RPL37: variants seen among roughly 807,000 people sequenced by gnomAD.
RPL37 encodes the protein ribosomal protein L37.
Under a neutral mutation model 14.8 loss-of-function variants are expected in RPL37, and 1 was observed. The observed-to-expected ratio is 0.07, with a 90% CI of 0.02 to 0.32. The LOEUF is 0.32. Among genes scored for constraint, RPL37 ranks in the 10% least tolerant of loss-of-function variants. The probability of loss-of-function intolerance (pLI) is 1.00; values close to 1 mark genes in which losing one functional copy is unlikely to be tolerated. For synonymous variants in RPL37, 53 were observed against 45.8 expected, an observed-to-expected ratio of 1.16 and a Z score of -0.63; for missense variants, 100 against 128.3, an observed-to-expected ratio of 0.78 and a Z score of 1.06.
intron 1 of RPL37, 60 bp from the exon 2 acceptor site, chr5:40,834,666 C>A: frequency 6.6e-7 from 1 of 1,521,188 alleles, no homozygotes; most frequent in Non-Finnish European, 8.9e-7. Flanking sequence ...TACTCGAGTT[C>A]TCCGGGAAAC....
Position 40,832,100 on chromosome 5 carries a change from TA to T in RPL37, c.*403del, listed in dbSNP as rs1266013171. ...GTACTCCCAAGCTCTATGTGACTAA[TA>T]ATCATCCCCCTAGTCATGACAGCAT... On this transcript the variant is annotated 3_prime_UTR_variant, in exon 4 of 4. Coordinates refer to ENST00000274242, the MANE Select transcript of RPL37 (RefSeq NM_000997.5). The T allele has an allele frequency of 4.9e-6, 1 of 204,418 alleles. No individual in the cohort carries two copies. Among genetic ancestry groups the T allele is most frequent in the Admixed American group, 5.2e-5 (1 of 19,388 alleles). The allele number at this position is 204,418 out of a possible 1,614,324, so 12.7% of individuals were successfully genotyped here.
At position 40,826,348 on chromosome 5, in the gene RPL37, T is replaced by A. The variant is rs1745517684; in HGVS notation, c.*6156A>T. ...GGTCAGTTTTCAGTTTTTATCATTA[T>A]TTATTATTTTATTTTTTATATCCCA... On this transcript the variant is annotated 3_prime_UTR_variant, in exon 4 of 4. Transcript: ENST00000274242. 6.6e-6 allele frequency: 1 copy of A among 152,006 alleles called. No homozygotes were observed. Among genetic ancestry groups the A allele is most frequent in the South Asian group, 2.1e-4 (1 of 4,830 alleles). 9.4% of individuals were successfully genotyped at this position (152,006 alleles called of 1,614,324 possible). A position where few individuals can be genotyped will look rare whatever the true frequency, so the allele number is the denominator to read the frequency against.
Position 40,835,049 on chromosome 5 carries a change from G to C in RPL37, c.3+134C>G, listed in dbSNP as rs1745735709. On this transcript the variant is annotated intron_variant, in intron 1 of 3. Transcript: ENST00000274242. ...AGCAGTCATTCTTCTGGCTCTTGAG[G>C]GCCACCGCATGCCTCTTTCCAGCCC... is the stretch of plus-strand genomic sequence containing the variant. 9 of 1,219,926 alleles carry C rather than the reference G, an allele frequency of 7.4e-6. No individual in the cohort carries two copies. In the South Asian group the frequency reaches 8.9e-5, roughly 12 times the overall value. 75.6% of individuals were successfully genotyped at this position (1,219,926 alleles called of 1,614,324 possible). A position where few individuals can be genotyped will look rare whatever the true frequency, so the allele number is the denominator to read the frequency against.
rs1458829714 is a variant in RPL37, at chr5:40,826,994, G to A, written c.*5510C>T. On this transcript the variant is annotated 3_prime_UTR_variant, in exon 4 of 4. Coordinates refer to ENST00000274242, the MANE Select transcript of RPL37 (RefSeq NM_000997.5). ...AGGTTTCACCAGGTTGCCCAGGCTG[G>A]TCTCAAACTCTTGGGCTCAAGCCAA... The A allele has an allele frequency of 6.6e-6, 1 of 152,196 alleles. No individual in the cohort carries two copies. Among genetic ancestry groups the A allele is most frequent in the Non-Finnish European group, 1.5e-5 (1 of 68,074 alleles). 9.4% of individuals were successfully genotyped at this position (152,196 alleles called of 1,614,324 possible).
rs766903093 is a variant in RPL37 at position 40,830,405 on chromosome 5, A to G, written c.*2099T>C. On this transcript the variant is annotated 3_prime_UTR_variant, in exon 4 of 4. Transcript: ENST00000274242. ...GAGGATCACTTGAAACCAGGAGTCC[A>G]AGACCAGCCTGGGCAACATAGTTTA... 6.6e-6 allele frequency: 1 copy of G among 152,118 alleles called. No individual in the cohort carries two copies. The highest frequency in any genetic ancestry group is 1.5e-5 in the Non-Finnish European group (1 of 68,034). The allele number at this position is 152,118 out of a possible 1,614,324, so 9.4% of individuals were successfully genotyped here.
In RPL37 at chr5:40,834,547, G is replaced by A. The variant is rs989719622; in HGVS notation, c.63C>T (p.Arg21=). 7 of 1,614,186 alleles carry A rather than the reference G, an allele frequency of 4.3e-6. No individual in the cohort carries two copies. The highest frequency in any genetic ancestry group is 2.2e-5 in the South Asian group (2 of 91,068). The stretch of plus-strand genomic sequence containing the variant: ...GAAGGTGGTAGGCCTTAGAGCCACA[G>A]CGGCGGCACAACGTGTGCGTCTTAT... ...RRNKTHTLCR[R]CGSKAYHLQK... Residue 21 remains arginine (R), a synonymous_variant, in exon 2 of 4, where the codon CGC becomes CGT. Coordinates refer to ENST00000274242, the MANE Select transcript of RPL37 (RefSeq NM_000997.5).
At position 40,826,408 on chromosome 5, in the gene RPL37, C is replaced by T. The variant is rs1745518971; in HGVS notation, c.*6096G>A. 1 of 152,000 alleles carries T rather than the reference C, an allele frequency of 6.6e-6. No homozygotes were observed. The highest frequency in any genetic ancestry group is 6.6e-5 in the Admixed American group (1 of 15,252). The allele number at this position is 152,000 out of a possible 1,614,324, so 9.4% of individuals were successfully genotyped here. A position where few individuals can be genotyped will look rare whatever the true frequency, so the allele number is the denominator to read the frequency against. ...TGTAAGACTGGTCATTTTTTAGAAT[C>T]CTCAGCCATATCAAGGATACAGAAG... is the stretch of plus-strand genomic sequence containing the variant. On this transcript the variant is annotated 3_prime_UTR_variant, in exon 4 of 4. Coordinates refer to ENST00000274242, the MANE Select transcript of RPL37 (RefSeq NM_000997.5).
chr5:40,834,371 G>A (rs1745715858), intron 2 of RPL37, 100 bp downstream of exon 2: 7 of 1,566,796 alleles, frequency 4.5e-6, no homozygotes, highest in African/African-American at 1.4e-5. Flanking sequence ...ACAGATGTAC[G>A]AGTTTTAAGA....
At chr5:40,834,409 G>T (rs1016615476) in intron 2 of RPL37, 62 bp downstream of exon 2, 2 of 1,592,552 alleles carry the variant, frequency 1.3e-6, no homozygotes, top group African/African-American at 1.3e-5. Context: ...TCAAACCTAT[G>T]CCCCCACTTA....
chr5:40,833,385 T>A (rs29761), intron 3 of RPL37, among the ~76,000 whole-genome samples: 110,816 of 152,150 alleles, frequency 0.73, 40,338 homozygotes, highest in East Asian at 0.82. Flanking sequence ...ACCAGCTTTA[T>A]AGTTAAGTCT....
In RPL37 at chr5:40,830,717, G is replaced by T. The variant is rs984481948; in HGVS notation, c.*1787C>A. 9 of 151,380 alleles carry T rather than the reference G, an allele frequency of 5.9e-5. No homozygotes were observed. Among genetic ancestry groups the T allele is most frequent in the African/African-American group, 2.2e-4 (9 of 41,204 alleles). 9.4% of individuals were successfully genotyped at this position (151,380 alleles called of 1,614,324 possible). A position where few individuals can be genotyped will look rare whatever the true frequency, so the allele number is the denominator to read the frequency against. ...TCACCATGTGGGCCAGGGTGATCTC[G>T]ATCTCTTGACCTTGTGATCCGCCCA... On this transcript the variant is annotated 3_prime_UTR_variant, in exon 4 of 4. Transcript: ENST00000274242.
rs773978875 is a variant in RPL37 at position 40,830,775 on chromosome 5, G to C, written c.*1729C>G. The C allele has an allele frequency of 6.6e-6, 1 of 151,426 alleles. No homozygotes were observed. The highest frequency in any genetic ancestry group is 1.5e-5 in the Non-Finnish European group (1 of 67,978). The allele number at this position is 151,426 out of a possible 1,614,324, so 9.4% of individuals were successfully genotyped here. A position where few individuals can be genotyped will look rare whatever the true frequency, so the allele number is the denominator to read the frequency against. ...CTCCCAAAGTGCCAGGATTACAGCC[G>C]TGAGCCACCACACCGGCCTCAAGGG... On this transcript the variant is annotated 3_prime_UTR_variant, in exon 4 of 4. Coordinates refer to ENST00000274242, the MANE Select transcript of RPL37 (RefSeq NM_000997.5).
At chr5:40,834,895 A>G in intron 1 of RPL37, 1 of 609,810 alleles carries the variant, frequency 1.6e-6, no homozygotes, top group South Asian at 2.0e-5. Context: ...AAACATTCCC[A>G]AACTCCTTCC....
At position 40,832,461 on chromosome 5, in the gene RPL37, T is replaced by C; in HGVS notation, c.*43A>G. The C allele has an allele frequency of 6.5e-7, 1 of 1,548,672 alleles. No individual in the cohort carries two copies. The highest frequency in any genetic ancestry group is 8.9e-7 in the Non-Finnish European group (1 of 1,121,912). ...CCTTACCAAAACCAGATATGTATTTTTTAAAACCAGAACATTTATTGCATG... is the reference window on the plus strand; with the variant it reads ...CCTTACCAAAACCAGATATGTATTTCTTAAAACCAGAACATTTATTGCATG... On this transcript the variant is annotated 3_prime_UTR_variant, in exon 4 of 4. Transcript: ENST00000274242.
Position 40,828,895 on chromosome 5 carries a change from C to A in RPL37, c.*3609G>T, listed in dbSNP as rs946803382. 2 of 152,186 alleles carry A rather than the reference C, an allele frequency of 1.3e-5. No individual in the cohort carries two copies. The highest frequency in any genetic ancestry group is 4.8e-5 in the African/African-American group (2 of 41,458). 9.4% of individuals were successfully genotyped at this position (152,186 alleles called of 1,614,324 possible). On this transcript the variant is annotated 3_prime_UTR_variant, in exon 4 of 4. Coordinates refer to ENST00000274242, the MANE Select transcript of RPL37 (RefSeq NM_000997.5). ...TAAATATGTCAACAAATGAACTTCT[C>A]CCTCTCTCCACTTCTGTCTCCAATG...
In RPL37 at chr5:40,827,679, T is replaced by C. The variant is rs1745547820; in HGVS notation, c.*4825A>G. 1 of 151,988 alleles carries C rather than the reference T, an allele frequency of 6.6e-6. No homozygotes were observed. The highest frequency in any genetic ancestry group is 2.4e-5 in the African/African-American group (1 of 41,384). 9.4% of individuals were successfully genotyped at this position (151,988 alleles called of 1,614,324 possible). ...CATTTTTCCATTGCAACTTTTCTTG[T>C]CAAAACATCCTTCTACTTACAAGGA... On this transcript the variant is annotated 3_prime_UTR_variant, in exon 4 of 4. Transcript: ENST00000274242.
At position 40,825,717 on chromosome 5, in the gene RPL37, TTTC is replaced by T. The variant is rs1398568097; in HGVS notation, c.*6784_*6786del. ...TGGCCTCTTCCTCCTCAGTCACTTT[TTTC>T]TTTTTTTGAGACAGTCTCGCTGTCA... is the stretch of plus-strand genomic sequence containing the variant. On this transcript the variant is annotated 3_prime_UTR_variant, in exon 4 of 4. Coordinates refer to ENST00000274242, the MANE Select transcript of RPL37 (RefSeq NM_000997.5). 2.0e-5 allele frequency: 3 copies of T among 152,580 alleles called. No homozygotes were observed. Among genetic ancestry groups the T allele is most frequent in the African/African-American group, 7.2e-5 (3 of 41,466 alleles). The allele number at this position is 152,580 out of a possible 1,614,324, so 9.5% of individuals were successfully genotyped here.
chr5:40,834,382 T>A (rs1182401512), intron 2 of RPL37, 89 bp downstream of exon 2: 7 of 1,577,644 alleles, frequency 4.4e-6, no homozygotes, highest in Non-Finnish European at 5.2e-6. Flanking sequence ...AGTTTTAAGA[T>A]AGGCACCAAA....
Position 40,825,349 on chromosome 5 carries a change from G to A in RPL37, c.*7155C>T, listed in dbSNP as rs2112146885. On this transcript the variant is annotated 3_prime_UTR_variant, in exon 4 of 4. Coordinates refer to ENST00000274242, the MANE Select transcript of RPL37 (RefSeq NM_000997.5). The stretch of plus-strand genomic sequence containing the variant: ...ACCAAAGAAATACATAACTTTAACA[G>A]ATAATCTCTGTATCTTAGTTTTTGC... 1.4e-5 allele frequency: 1 copy of A among 72,214 alleles called. No individual in the cohort carries two copies. Among genetic ancestry groups the A allele is most frequent in the East Asian group, 5.8e-4 (1 of 1,710 alleles). The allele number at this position is 72,214 out of a possible 1,614,324, so 4.5% of individuals were successfully genotyped here.
Sources: allele counts gnomAD v4.1 joint callset (sites outside exome capture counted in the v4.1 genomes callset), GRCh38; gene constraint gnomAD v4.1.1; transcripts MANE v1.5; gene names NCBI Gene and HGNC (gene_info 2026-07-23, HGNC 2026-07-21).